The following BRME1 variants were observed in gnomAD, a reference collection of about 807,000 sequenced individuals.
BRME1 encodes BRCA2 and MEILB2-associating protein 1.
A neutral mutation model predicts 52.6 loss-of-function variants in BRME1; 31 were observed. That is an observed-to-expected ratio of 0.59 (90% CI 0.44 to 0.80). BRME1 has a LOEUF of 0.80. Ranked by LOEUF, BRME1 falls within the 30% of genes least tolerant of loss-of-function variation. The probability of loss-of-function intolerance (pLI) is 0.00; values close to 1 mark genes in which losing one functional copy is unlikely to be tolerated. For missense variants in BRME1, 804 were observed against 860.3 expected (o/e 0.93, Z 0.82); for synonymous variants, 359 against 353.6 (o/e 1.02, Z -0.17).
rs1458001343 is a variant in BRME1 at position 13,889,192 on chromosome 19, T to G, written c.1664A>C (p.Glu555Ala). Residue 555 changes from glutamate to alanine, a missense_variant, in exon 6 of 9, where the codon GAG (glutamate) becomes GCG (alanine). This residue lies in a region of BRME1 where 552 missense variants were observed against 561.1 expected (regional missense o/e 0.98). Transcript: ENST00000586783. The part of the protein sequence containing the change: ...LDASDFEAPP[E>A]QLFPSGNKPG... ...GTCACTCAGGGCAGCTCTCACCTGC[T>G]CAGGTGGGGCTTCGAAGTCAGAGGC... 6.3e-7 allele frequency: 1 copy of G among 1,577,608 alleles called. No homozygotes were observed. The highest frequency in any genetic ancestry group is 2.2e-5 in the East Asian group (1 of 44,566).
rs749441204 is a variant in BRME1, at chr19:13,889,503, C to T, written c.1353G>A (p.Glu451=). 1.2e-6 allele frequency: 2 copies of T among 1,613,910 alleles called. No individual in the cohort carries two copies. The highest frequency in any genetic ancestry group is 1.7e-5 in the Admixed American group (1 of 60,028). ...DTGPCVNQKQ[E]PGPAQEEAEL... ...CGGCTTCCTCTTGAGCAGGACCTGG[C>T]TCCTGCTTCTGATTGACACATGGAC... The change falls in exon 6 of 9, where the codon GAG becomes GAA. Residue 451 remains glutamate, a synonymous_variant. Transcript: ENST00000586783.
chr19:13,889,093 C>A (rs934561496), intron 6 of BRME1, 95 bp downstream of exon 6: 8 of 1,198,018 alleles, frequency 6.7e-6, no homozygotes, highest in African/African-American at 3.1e-5. Context: ...TGAGCCCCAG[C>A]TCCCCCTCTG....
At chr19:13,904,406 T>C (rs1382010197) in intron 2 of BRME1, among the ~76,000 whole-genome samples, 1 of 148,082 alleles carries the variant, frequency 6.8e-6, no homozygotes, top group Non-Finnish European at 1.5e-5. Context: ...CACACCGGCC[T>C]TCTATTTTTC....
chr19:13,899,798 C>T (rs1970174554), intron 2 of BRME1, among the ~76,000 whole-genome samples: 1 of 152,124 alleles, frequency 6.6e-6, no homozygotes, highest in African/African-American at 2.4e-5. Flanking sequence ...GTCAGGAGTT[C>T]AAGACCAGCC....
rs1307597265 is a variant in BRME1 at position 13,882,465 on chromosome 19, A to AC, written c.*336dup. ...CCTCCAGGAAAGAAACAAATTCTGA[A>AC]CCATCCATACTTGGCTCAGGACCCT... On this transcript the variant is annotated 3_prime_UTR_variant, in exon 9 of 9. Coordinates refer to ENST00000586783, the MANE Select transcript of BRME1 (RefSeq NM_001345843.2). 1.2e-5 allele frequency: 5 copies of AC among 424,482 alleles called. No homozygotes were observed. Among genetic ancestry groups the AC allele is most frequent in the African/African-American group, 1.0e-4 (5 of 48,794 alleles). The allele number at this position is 424,482 out of a possible 1,614,324, so 26.3% of individuals were successfully genotyped here. A position where few individuals can be genotyped will look rare whatever the true frequency, so the allele number is the denominator to read the frequency against.
chr19:13,905,092 C>A (rs1041110466), intron 1 of BRME1, among the ~76,000 whole-genome samples, 179 bp from the exon 2 acceptor site: 1 of 152,008 alleles, frequency 6.6e-6, no homozygotes, highest in Non-Finnish European at 1.5e-5. Flanking sequence ...CCACTTTGGG[C>A]CATGGCCAGG....
intron 7 of BRME1, chr19:13,884,883 G>A (rs1968889966): frequency 6.6e-6 from 1 of 152,380 alleles, no homozygotes; most frequent in Admixed American, 6.5e-5. Context: ...CCTCTTGTGT[G>A]TGTCATTCAG....
In BRME1 at chr19:13,882,681, A is replaced by ACCAACTTC; in HGVS notation, c.*113_*120dup. On this transcript the variant is annotated 3_prime_UTR_variant, in exon 9 of 9. Coordinates refer to ENST00000586783, the MANE Select transcript of BRME1 (RefSeq NM_001345843.2). ...GCCTCCTTTGTGTTGTCCATGGAAG[A>ACCAACTTC]CCAACTTCCGGGCAACTGAAGGGAG... 1 of 1,352,834 alleles carries ACCAACTTC rather than the reference A, an allele frequency of 7.4e-7. No homozygotes were observed. The highest frequency in any genetic ancestry group is 1.3e-5 in the South Asian group (1 of 77,050). 83.8% of individuals were successfully genotyped at this position (1,352,834 alleles called of 1,614,324 possible). A position where few individuals can be genotyped will look rare whatever the true frequency, so the allele number is the denominator to read the frequency against.
chr19:13,901,370 G>C (rs894832657), intron 2 of BRME1, among the ~76,000 whole-genome samples: 1 of 152,046 alleles, frequency 6.6e-6, no homozygotes, highest in African/African-American at 2.4e-5. Flanking sequence ...AAAAATGGAG[G>C]TTGCAGATCA....
intron 6 of BRME1, among the ~76,000 whole-genome samples, chr19:13,886,447 G>A (rs1159210592): frequency 6.6e-6 from 1 of 152,216 alleles, no homozygotes; most frequent in Non-Finnish European, 1.5e-5. Flanking sequence ...ACACAAAGCG[G>A]GGGCAACTGC....
intron 6 of BRME1, 124 bp downstream of exon 6, chr19:13,889,064 C>T: frequency 1.1e-6 from 1 of 886,032 alleles, no homozygotes. Context: ...TAGTCGTTGG[C>T]TGTGTAAATG....
At position 13,889,529 on chromosome 19, in the gene BRME1, C is replaced by T. The variant is rs1241469509; in HGVS notation, c.1327G>A (p.Gly443Ser). The change falls in exon 6 of 9, where the codon GGT becomes AGT. Residue 443 changes from glycine (G) to serine (S), a missense_variant. Coordinates refer to ENST00000586783, the MANE Select transcript of BRME1 (RefSeq NM_001345843.2). ...GDSGHASPDT[G>S]PCVNQKQEPG... is the part of the protein sequence containing the mutation. ...TCCTGCTTCTGATTGACACATGGACCTGTGTCCGGGGATGCATGACCGGAA... is the reference window on the plus strand; with the variant it reads ...TCCTGCTTCTGATTGACACATGGACTTGTGTCCGGGGATGCATGACCGGAA... The T allele has an allele frequency of 1.2e-6, 2 of 1,613,892 alleles. No homozygotes were observed. Among genetic ancestry groups the T allele is most frequent in the South Asian group, 2.2e-5 (2 of 91,092 alleles).
rs1969603366 is a variant in BRME1, at chr19:13,892,843, T to C, written c.336A>G (p.Thr112=). 3.7e-6 allele frequency: 6 copies of C among 1,614,238 alleles called. No individual in the cohort carries two copies. The highest frequency in any genetic ancestry group is 5.1e-6 in the Non-Finnish European group (6 of 1,180,018). ...FVPQFAKSRK[T]VTRKEEMKDE... ...CCTTCATCTCTTCTTTTCTTGTCAC[T>C]GTCTTCCTGGATTTTGCAAACTGGG... Residue 112 remains threonine (T), a synonymous_variant, in exon 5 of 9, where the codon ACA becomes ACG. Transcript: ENST00000586783.
intron 2 of BRME1, among the ~76,000 whole-genome samples, chr19:13,901,060 A>T (rs535070152): frequency 6.6e-6 from 1 of 151,784 alleles, no homozygotes; most frequent in Non-Finnish European, 1.5e-5. Context: ...GCAGCCTGGA[A>T]CTCCTCAGCT....
At chr19:13,894,053 G>T (rs1383854151) in intron 3 of BRME1, among the ~76,000 whole-genome samples, 1 of 152,130 alleles carries the variant, frequency 6.6e-6, no homozygotes. Flanking sequence ...AGAATACACT[G>T]CCTTAACAGG....
chr19:13,882,518 C>T lies in BRME1; in HGVS notation c.*284G>A. 7.7e-6 allele frequency: 4 copies of T among 516,170 alleles called. No homozygotes were observed. In the South Asian group the frequency reaches 1.2e-4, roughly 16 times the overall value. The allele number at this position is 516,170 out of a possible 1,614,324, so 32.0% of individuals were successfully genotyped here. A position where few individuals can be genotyped will look rare whatever the true frequency, so the allele number is the denominator to read the frequency against. On this transcript the variant is annotated 3_prime_UTR_variant, in exon 9 of 9. Transcript: ENST00000586783. ...AATTTGCAAATCCGGACAGGATGGG[C>T]CCTGCTCAGAGGTGGCCAGCTTCCT...
chr19:13,890,251 G>C lies in BRME1; in HGVS notation c.605C>G (p.Ser202Cys). 6.2e-7 allele frequency: 1 copy of C among 1,614,086 alleles called. No individual in the cohort carries two copies. Residue 202 changes from serine to cysteine, a missense_variant, in exon 6 of 9, where the codon TCC (serine) becomes TGC (cysteine). By Grantham distance (112) the Ser-to-Cys change is moderately radical. Transcript: ENST00000586783. ...DDPPDRGTGL[S>C]ASQRASQDHL... ...GTCTTGGCTGGCCCTCTGTGAGGCG[G>C]ACAACCCCGTCCCCCTGTCTGGAGG...
chr19:13,892,878 TCCCGAATGAGTTCTGTAAA>T lies in BRME1; in HGVS notation c.289-7_300del. The T allele has an allele frequency of 1.2e-6, 2 of 1,613,176 alleles. No individual in the cohort carries two copies. Among genetic ancestry groups the T allele is most frequent in the Non-Finnish European group, 1.7e-6 (2 of 1,179,124 alleles). ...GATTTTGCAAACTGGGGAACAAACC[TCCCGAATGAGTTCTGTAAA>T]CCGGATACAAGAACAAAGCAGCAAT... On this transcript the variant is annotated splice_acceptor_variant and splice_polypyrimidine_tract_variant and coding_sequence_variant and intron_variant, in exon 5 of 9. Coordinates refer to ENST00000586783, the MANE Select transcript of BRME1 (RefSeq NM_001345843.2). LOFTEE classifies it high-confidence loss of function.
At chr19:13,893,796 GGCCCCA>G (rs1311088433) in intron 3 of BRME1, among the ~76,000 whole-genome samples, 1 of 151,778 alleles carries the variant, frequency 6.6e-6, no homozygotes, top group Non-Finnish European at 1.5e-5. Flanking sequence ...GTGTGCCTGT[GGCCCCA>G]GCTACTTGAG....
Sources: allele counts gnomAD v4.1 joint callset (sites outside exome capture counted in the v4.1 genomes callset), GRCh38; gene constraint gnomAD v4.1.1; regional missense constraint gnomAD v4.1.1; transcripts MANE v1.5; gene names NCBI Gene and HGNC (gene_info 2026-07-23, HGNC 2026-07-21).